Variants in NFIB observed in about 807,000 individuals in gnomAD.
The protein encoded by NFIB is nuclear factor 1 B-type.
In NFIB, 11 loss-of-function variants were observed where a neutral mutation model predicts 61.5. That is an observed-to-expected ratio of 0.18 (90% confidence interval 0.11 to 0.30). The LOEUF (loss-of-function observed/expected upper bound fraction) is 0.30, where lower values mean the gene tolerates loss of function less well. Among genes scored for constraint, NFIB ranks in the 10% least tolerant of loss-of-function variants. NFIB has a pLI of 1.00. For missense variants in NFIB, 471 were observed against 608.9 expected (o/e 0.77, Z 2.38); for synonymous variants, 260 against 216.5 (o/e 1.20, Z -1.76).
the NFIB span, among the ~76,000 whole-genome samples, chr9:14,494,771 T>A: frequency 6.6e-6 from 1 of 152,146 alleles, no homozygotes; most frequent in Non-Finnish European, 1.5e-5. Context: ...TCCCCTTGCT[T>A]CTCCTGCATG....
chr9:14,328,988 A>G (rs2060787580), intron 1 of NFIB, among the ~76,000 whole-genome samples: 1 of 152,236 alleles, frequency 6.6e-6, no homozygotes, highest in African/African-American at 2.4e-5. Flanking sequence ...AGTGTTGCAC[A>G]TAACACGAAG....
chr9:14,525,276 T>C, the NFIB span, among the ~76,000 whole-genome samples: 1 of 152,148 alleles, frequency 6.6e-6, no homozygotes, highest in African/African-American at 2.4e-5. Flanking sequence ...TGGTCACCAA[T>C]AATTAGTTAT....
At chr9:14,476,486 T>G in the NFIB span, among the ~76,000 whole-genome samples, 1 of 152,180 alleles carries the variant, frequency 6.6e-6, no homozygotes, top group Admixed American at 6.5e-5. Flanking sequence ...TGCTTTCCAT[T>G]AATAAGCTGT....
chr9:14,371,317 T>C (rs1327699530), intron 1 of NFIB, among the ~76,000 whole-genome samples: 3 of 152,228 alleles, frequency 2.0e-5, no homozygotes, highest in Non-Finnish European at 2.9e-5. Flanking sequence ...TAAAGAACTG[T>C]AATACTAAAA....
At chr9:14,471,240 A>T in the NFIB span, among the ~76,000 whole-genome samples, 2 of 152,256 alleles carry the variant, frequency 1.3e-5, no homozygotes, top group African/African-American at 4.8e-5. Flanking sequence ...TTCCTTCCTC[A>T]CATCACTGAT....
intron 1 of NFIB, among the ~76,000 whole-genome samples, chr9:14,333,116 A>G (rs939354645): frequency 6.6e-6 from 1 of 152,116 alleles, no homozygotes; most frequent in East Asian, 1.9e-4. Flanking sequence ...CCTTGGCAGC[A>G]CCCTGCAAGC....
chr9:14,305,944 GT>G, intron 2 of NFIB: 1 of 1,315,684 alleles, frequency 7.6e-7, no homozygotes. Flanking sequence ...TAAAATGATT[GT>G]TTTACTATGG....
At chr9:14,141,599 T>C (rs2041708311) in intron 6 of NFIB, among the ~76,000 whole-genome samples, 1 of 152,176 alleles carries the variant, frequency 6.6e-6, no homozygotes, top group Non-Finnish European at 1.5e-5. Flanking sequence ...AATTTATTCA[T>C]ATTTGTGTAC....
the NFIB span, among the ~76,000 whole-genome samples, chr9:14,462,504 G>C: frequency 1.2e-4 from 18 of 151,952 alleles, no homozygotes; most frequent in Non-Finnish European, 2.4e-4. Context: ...GGATGGTCTG[G>C]ATCTCCTGAC....
intron 1 of NFIB, among the ~76,000 whole-genome samples, chr9:14,363,705 C>T (rs1340935361): frequency 1.3e-5 from 2 of 151,418 alleles, no homozygotes; most frequent in African/African-American, 2.4e-5. Flanking sequence ...AAGTGGAAAT[C>T]CCCCGTAATC....
At chr9:14,404,665 A>C in the NFIB span, among the ~76,000 whole-genome samples, 14 of 152,308 alleles carry the variant, frequency 9.2e-5, no homozygotes, top group African/African-American at 3.4e-4. Flanking sequence ...AGTGCAAATA[A>C]GGGAGTAGGC....
the NFIB span, among the ~76,000 whole-genome samples, chr9:14,411,662 GT>G: frequency 6.6e-6 from 1 of 152,138 alleles, no homozygotes; most frequent in Non-Finnish European, 1.5e-5. Context: ...CTTCGTTTCT[GT>G]TGGGGTCCTT....
intron 1 of NFIB, chr9:14,322,258 G>A: frequency 1.9e-6 from 1 of 537,478 alleles, no homozygotes; most frequent in Non-Finnish European, 2.7e-6. Context: ...CCTTGCAGAA[G>A]GCTGTTTCTC....
chr9:14,126,137 A>G lies in NFIB; in HGVS notation c.926-371T>C, dbSNP rs566679781. On this transcript the variant is annotated intron_variant, in intron 6 of 10. Coordinates refer to ENST00000380953, the MANE Select transcript of NFIB (RefSeq NM_001190737.2). The stretch of plus-strand genomic sequence containing the variant: ...TCAGAAGATTGTCTTTCGACAGAGG[A>G]TAACTGCTGCAAATGGGAAAAACAA... Among the ~76,000 whole-genome samples, 14 of 152,312 alleles carry G rather than the reference A, an allele frequency of 9.2e-5. No individual in the cohort carries two copies. In the East Asian group the frequency reaches 2.5e-3, roughly 27 times the overall value.
chr9:14,257,172 G>C (rs751899325), intron 2 of NFIB, among the ~76,000 whole-genome samples: 2 of 152,134 alleles, frequency 1.3e-5, no homozygotes, highest in Non-Finnish European at 2.9e-5. Flanking sequence ...AGAGGCTCAG[G>C]TTCCTCACCT....
chr9:14,131,510 G>C (rs1317489684), intron 6 of NFIB, among the ~76,000 whole-genome samples: 2 of 152,204 alleles, frequency 1.3e-5, no homozygotes, highest in African/African-American at 4.8e-5. Flanking sequence ...AAGGAAGAGA[G>C]TCGCTGTGAA....
intron 2 of NFIB, among the ~76,000 whole-genome samples, chr9:14,206,801 T>C (rs2049785787): frequency 6.6e-6 from 1 of 151,950 alleles, no homozygotes; most frequent in Admixed American, 6.6e-5. Context: ...CTATATTTTA[T>C]ATCCCCAACT....
intron 1 of NFIB, among the ~76,000 whole-genome samples, chr9:14,342,827 T>TCATACTG (rs1355866734): frequency 6.6e-6 from 1 of 152,206 alleles, no homozygotes; most frequent in Non-Finnish European, 1.5e-5. Context: ...CGATGCTTCT[T>TCATACTG]CATACTGCCC....
chr9:14,427,485 C>T, the NFIB span, among the ~76,000 whole-genome samples: 2 of 152,124 alleles, frequency 1.3e-5, no homozygotes, highest in Non-Finnish European at 2.9e-5. Context: ...ATTGGTGGAG[C>T]TTAAATTTAA....
Sources: gnomAD v4.1 joint callset for allele counts (sites outside exome capture counted in the v4.1 genomes callset) on GRCh38, gnomAD v4.1.1 for gene constraint, MANE v1.5 for transcripts, NCBI Gene and HGNC (gene_info 2026-07-23, HGNC 2026-07-21) for gene names.